The following MYL1 variants were observed in gnomAD, a reference collection of about 807,000 sequenced individuals.
MYL1 encodes myosin light chain 1.
In MYL1, 16 loss-of-function variants were observed where a neutral mutation model predicts 21.8. That is an observed-to-expected ratio of 0.74 (90% CI 0.50 to 1.12). The LOEUF (loss-of-function observed/expected upper bound fraction) is 1.12, where lower values mean the gene tolerates loss of function less well. Among genes scored for constraint, MYL1 ranks in the 50% most tolerant of loss-of-function variants. The probability of loss-of-function intolerance (pLI) is 0.00; values close to 1 mark genes in which losing one functional copy is unlikely to be tolerated. For missense variants in MYL1, 246 were observed against 241.0 expected, an observed-to-expected ratio of 1.02 and a Z score of -0.14; for synonymous variants, 99 against 85.2, an observed-to-expected ratio of 1.16 and a Z score of -0.89.
In MYL1 at chr2:210,312,224, A is replaced by G. The variant is rs1414217640; in HGVS notation, c.132+2687T>C. 3.3e-5 allele frequency among the ~76,000 whole-genome samples: 5 copies of G among 151,978 alleles called. No homozygotes were observed. In the South Asian group the frequency reaches 6.2e-4, roughly 19 times the overall value. ...TATGACTATAGTACTACACAAAGGC[A>G]GTTATGATTAAACTACAGCATTACT... On this transcript the variant is annotated intron_variant, in intron 1 of 6. Coordinates refer to ENST00000352451, the MANE Select transcript of MYL1 (RefSeq NM_079420.3).
chr2:210,313,502 A>G (rs972432598), intron 1 of MYL1, among the ~76,000 whole-genome samples: 1 of 152,038 alleles, frequency 6.6e-6, no homozygotes, highest in African/African-American at 2.4e-5. Context: ...AACTGTATGC[A>G]TGCAGTCCTC....
At chr2:210,310,567 C>T (rs1005954641) in intron 1 of MYL1, among the ~76,000 whole-genome samples, 2 of 152,014 alleles carry the variant, frequency 1.3e-5, no homozygotes, top group Non-Finnish European at 2.9e-5. Flanking sequence ...ATCCATTTTC[C>T]ATTTACAACA....
chr2:210,295,515 C>A (rs1385887205), intron 3 of MYL1, among the ~76,000 whole-genome samples: 2 of 152,018 alleles, frequency 1.3e-5, no homozygotes, highest in Admixed American at 1.3e-4. Flanking sequence ...CATGGTGATA[C>A]ATGCCTGTAG....
chr2:210,310,610 A>G (rs1690404832), intron 1 of MYL1, among the ~76,000 whole-genome samples: 1 of 152,090 alleles, frequency 6.6e-6, no homozygotes, highest in South Asian at 2.1e-4. Context: ...ATGGGCAGGA[A>G]TATTTCTAGA....
intron 1 of MYL1, among the ~76,000 whole-genome samples, chr2:210,304,883 T>C (rs1690317076): frequency 6.6e-6 from 1 of 152,172 alleles, no homozygotes; most frequent in Non-Finnish European, 1.5e-5. Context: ...TGGCCAGCAA[T>C]GGGTTTTCAT....
chr2:210,303,019 T>C (rs1201948562), intron 1 of MYL1: 2 of 562,700 alleles, frequency 3.6e-6, no homozygotes, highest in Non-Finnish European at 6.3e-6. Flanking sequence ...AAATGCTACA[T>C]TTAATACTTC....
chr2:210,296,580 T>G (rs1690177425), intron 3 of MYL1, among the ~76,000 whole-genome samples: 1 of 151,994 alleles, frequency 6.6e-6, no homozygotes, highest in South Asian at 2.1e-4. Flanking sequence ...AGCTCAGGAG[T>G]TCGAGACCAG....
chr2:210,298,960 G>T (rs1690221879), intron 2 of MYL1, among the ~76,000 whole-genome samples: 2 of 152,088 alleles, frequency 1.3e-5, no homozygotes, highest in Non-Finnish European at 2.9e-5. Context: ...TTTTCAATCA[G>T]GCTCATGGTA....
rs114546710 is a variant in MYL1, at chr2:210,307,498, C to T, written c.133-4983G>A. 6.2e-3 allele frequency among the ~76,000 whole-genome samples: 951 copies of T among 152,202 alleles called. 6 individuals carry two copies. The highest frequency in any genetic ancestry group is 0.014 in the Middle Eastern group (4 of 294). The stretch of plus-strand genomic sequence containing the variant: ...TTCATTTTGAATTATTGTTTATGTA[C>T]CTTTATATTTGTAGCACCTTCCTTT... On this transcript the variant is annotated intron_variant, in intron 1 of 6. Transcript: ENST00000352451.
At chr2:210,308,186 G>A (rs1690366277) in intron 1 of MYL1, among the ~76,000 whole-genome samples, 1 of 151,630 alleles carries the variant, frequency 6.6e-6, no homozygotes, top group East Asian at 1.9e-4. Flanking sequence ...CTGATTTAAC[G>A]CCTGGCAGAG....
At chr2:210,313,042 C>G (rs1407075443) in intron 1 of MYL1, among the ~76,000 whole-genome samples, 1 of 151,812 alleles carries the variant, frequency 6.6e-6, no homozygotes, top group African/African-American at 2.4e-5. Flanking sequence ...TGCTTCTCTG[C>G]TGACTATGAA....
At chr2:210,309,821 T>G (rs1186619886) in intron 1 of MYL1, among the ~76,000 whole-genome samples, 1 of 152,088 alleles carries the variant, frequency 6.6e-6, no homozygotes, top group Non-Finnish European at 1.5e-5. Flanking sequence ...ACAGTCACTT[T>G]ATGGTCTCTT....
At chr2:210,314,364 GTTGT>G (rs1341901988) in intron 1 of MYL1, among the ~76,000 whole-genome samples, 1 of 152,128 alleles carries the variant, frequency 6.6e-6, no homozygotes, top group Admixed American at 6.5e-5. Context: ...CTCATTTAGT[GTTGT>G]ATCAAATTTT....
chr2:210,302,895 T>C (rs1489978181), intron 1 of MYL1: 3 of 1,258,642 alleles, frequency 2.4e-6, no homozygotes, highest in Non-Finnish European at 2.2e-6. Flanking sequence ...TAGGAAGCTA[T>C]GTAGGTGTCT....
In MYL1 at chr2:210,298,430, G is replaced by A; in HGVS notation, c.294C>T (p.Pro98=). ...AAATTGATGGGTTACCTTCATTGCT[G>A]GGGTTTCCCAGAACTTTCCTGACCT... is the stretch of plus-strand genomic sequence containing the variant. ...NAEVRKVLGN[P]SNEELNAKKI... The change falls in exon 3 of 7, where the codon CCC becomes CCT. Residue 98 remains proline (P), a synonymous_variant. Transcript: ENST00000352451. 6.2e-7 allele frequency: 1 copy of A among 1,613,358 alleles called. No homozygotes were observed. The highest frequency in any genetic ancestry group is 8.5e-7 in the Non-Finnish European group (1 of 1,179,842).
chr2:210,290,514 C>T (rs1690059071), intron 6 of MYL1, 47 bp from the exon 7 acceptor site: 1 of 152,030 alleles, frequency 6.6e-6, no homozygotes, highest in African/African-American at 2.4e-5. Flanking sequence ...TGCATCTTTT[C>T]AGAAAGAAAA....
chr2:210,291,961 G>A (rs6739786), intron 5 of MYL1, among the ~76,000 whole-genome samples: 72,003 of 151,920 alleles, frequency 0.47, 17,150 homozygotes, highest in Middle Eastern at 0.62. Flanking sequence ...TCCCATCAGT[G>A]ATACATGAAA....
intron 1 of MYL1, among the ~76,000 whole-genome samples, chr2:210,311,507 C>T (rs1169553218): frequency 2.0e-5 from 3 of 151,986 alleles, no homozygotes; most frequent in African/African-American, 4.8e-5. Context: ...TATCTAGTCA[C>T]GGCTGACCTG....
At chr2:210,291,345 C>T (rs1194244166) in intron 5 of MYL1, among the ~76,000 whole-genome samples, 1 of 152,090 alleles carries the variant, frequency 6.6e-6, no homozygotes, top group East Asian at 1.9e-4. Context: ...CAAGGCTTGA[C>T]TCAAACTCCT....
Sources: gnomAD v4.1 joint callset for allele counts (sites outside exome capture counted in the v4.1 genomes callset) on GRCh38, gnomAD v4.1.1 for gene constraint, MANE v1.5 for transcripts, NCBI Gene and HGNC (gene_info 2026-07-23, HGNC 2026-07-21) for gene names.